CHRM3: variants seen among roughly 807,000 people sequenced by gnomAD.
CHRM3 encodes muscarinic acetylcholine receptor M3.
In CHRM3, 11 loss-of-function variants were observed where a neutral mutation model predicts 41.8. The ratio of observed to expected loss-of-function variants is 0.26; its 90% CI spans 0.17 to 0.44. CHRM3 has a LOEUF of 0.44. CHRM3 is among the 20% of genes least tolerant of loss of function. The probability of loss-of-function intolerance (pLI) is 1.00; values close to 1 mark genes in which losing one functional copy is unlikely to be tolerated. For missense variants in CHRM3, 571 were observed against 745.4 expected, an observed-to-expected ratio of 0.77 and a Z score of 2.72; for synonymous variants, 297 against 301.4, an observed-to-expected ratio of 0.99 and a Z score of 0.15.
At chr1:239,484,151 G>A (rs1667040702) in intron 1 of CHRM3, among the ~76,000 whole-genome samples, 1 of 152,150 alleles carries the variant, frequency 6.6e-6, no homozygotes, top group East Asian at 1.9e-4. Context: ...AAGAAAAGAG[G>A]TTTAATCGTT....
chr1:239,468,960 A>T (rs1178933811), intron 1 of CHRM3, among the ~76,000 whole-genome samples: 1 of 152,222 alleles, frequency 6.6e-6, no homozygotes, highest in African/African-American at 2.4e-5. Context: ...ATATGTTTCT[A>T]CAAAAGGAAA....
intron 6 of CHRM3, among the ~76,000 whole-genome samples, chr1:239,831,198 G>A (rs569114170): frequency 2.0e-5 from 3 of 152,146 alleles, no homozygotes; most frequent in East Asian, 1.9e-4. Flanking sequence ...ACGCTGACTC[G>A]GTCATTTCCT....
chr1:239,479,190 C>CCACATACACACACACACA (rs71567247), intron 1 of CHRM3, among the ~76,000 whole-genome samples: 6 of 139,888 alleles, frequency 4.3e-5, no homozygotes, highest in African/African-American at 1.6e-4. Flanking sequence ...TTTCAAAAAA[C>CCACATACACACACACACA]CACACACACA....
intron 5 of CHRM3, among the ~76,000 whole-genome samples, chr1:239,736,355 A>G (rs1211656936): frequency 6.6e-6 from 1 of 152,066 alleles, no homozygotes; most frequent in African/African-American, 2.4e-5. Context: ...TTAGCTAAAA[A>G]ACAAGGTGTA....
chr1:239,550,074 C>G (rs770122929), intron 3 of CHRM3, among the ~76,000 whole-genome samples: 2 of 151,968 alleles, frequency 1.3e-5, no homozygotes, highest in African/African-American at 4.8e-5. Flanking sequence ...ATGTGACCCT[C>G]TCTCACATGT....
chr1:239,504,930 C>T (rs1668469958), intron 2 of CHRM3, among the ~76,000 whole-genome samples: 1 of 151,746 alleles, frequency 6.6e-6, no homozygotes, highest in Non-Finnish European at 1.5e-5. Flanking sequence ...GGGAAGGGGG[C>T]AAGGGATAAA....
At chr1:239,898,863 A>G (rs562727844) in intron 6 of CHRM3, among the ~76,000 whole-genome samples, 9 of 152,260 alleles carry the variant, frequency 5.9e-5, no homozygotes, top group African/African-American at 2.2e-4. Flanking sequence ...AAATTTACCT[A>G]TATATTTCAC....
intron 1 of CHRM3, among the ~76,000 whole-genome samples, chr1:239,487,139 A>G (rs1667230257): frequency 6.6e-6 from 1 of 152,318 alleles, no homozygotes; most frequent in African/African-American, 2.4e-5. Context: ...AATAGGTAGA[A>G]TTTTGTGAAG....
chr1:239,433,591 A>G (rs1662998293), intron 1 of CHRM3, among the ~76,000 whole-genome samples: 4 of 152,170 alleles, frequency 2.6e-5, no homozygotes, highest in African/African-American at 9.6e-5. Flanking sequence ...CCCAATTTGT[A>G]GTCTTTTAGC....
intron 6 of CHRM3, among the ~76,000 whole-genome samples, chr1:239,841,086 C>T (rs1673759103): frequency 6.6e-6 from 1 of 152,200 alleles, no homozygotes; most frequent in African/African-American, 2.4e-5. Flanking sequence ...TAAAATTGAC[C>T]TGAGGTGTCT....
chr1:239,821,383 C>T (rs550146013), intron 5 of CHRM3, among the ~76,000 whole-genome samples: 22 of 152,274 alleles, frequency 1.4e-4, no homozygotes, highest in Non-Finnish European at 2.9e-4. Context: ...AGGGCAAAAC[C>T]ACCTTGCTTT....
At chr1:239,596,150 C>G (rs1227460932) in intron 3 of CHRM3, among the ~76,000 whole-genome samples, 2 of 152,090 alleles carry the variant, frequency 1.3e-5, no homozygotes, top group African/African-American at 4.8e-5. Context: ...GTTGAGATAA[C>G]CTCTCTAAGG....
At chr1:239,437,605 C>T (rs781093300) in intron 1 of CHRM3, among the ~76,000 whole-genome samples, 17 of 152,248 alleles carry the variant, frequency 1.1e-4, no homozygotes, top group Admixed American at 7.8e-4. Context: ...GGCACGATCT[C>T]GGCTCACTGC....
chr1:239,893,976 C>T (rs1417775978), intron 6 of CHRM3, among the ~76,000 whole-genome samples: 1 of 152,066 alleles, frequency 6.6e-6, no homozygotes, highest in Non-Finnish European at 1.5e-5. Context: ...CCTTCTTCTT[C>T]GTCAGTAGAA....
intron 5 of CHRM3, among the ~76,000 whole-genome samples, chr1:239,813,139 G>A (rs1418861010): frequency 6.6e-6 from 1 of 152,092 alleles, no homozygotes; most frequent in African/African-American, 2.4e-5. Flanking sequence ...TTACCCTGAC[G>A]TGGTGGCGGG....
intron 6 of CHRM3, among the ~76,000 whole-genome samples, chr1:239,891,272 T>C (rs1235459975): frequency 6.6e-6 from 1 of 152,194 alleles, no homozygotes; most frequent in Admixed American, 6.5e-5. Context: ...TTTCTAAAAA[T>C]AATTCCAGAC....
chr1:239,502,231 T>C (rs1668288157), intron 2 of CHRM3, among the ~76,000 whole-genome samples: 1 of 152,084 alleles, frequency 6.6e-6, no homozygotes. Context: ...ATAACTTTGT[T>C]AAGAAATGAA....
chr1:239,538,078 G>A (rs1053328146), intron 2 of CHRM3, among the ~76,000 whole-genome samples: 2 of 151,994 alleles, frequency 1.3e-5, no homozygotes, highest in Non-Finnish European at 2.9e-5. Context: ...AGAGAAAAAA[G>A]GAAGAAGGAA....
chr1:239,676,990 C>T (rs1283759986), intron 4 of CHRM3, among the ~76,000 whole-genome samples: 1 of 152,194 alleles, frequency 6.6e-6, no homozygotes, highest in African/African-American at 2.4e-5. Context: ...CCTTCACAGC[C>T]TCCTGCATGG....
Sources: allele counts gnomAD v4.1 joint callset (sites outside exome capture counted in the v4.1 genomes callset), GRCh38; gene constraint gnomAD v4.1.1; transcripts MANE v1.5; gene names NCBI Gene and HGNC (gene_info 2026-07-23, HGNC 2026-07-21).